Variants in STS observed in about 807,000 individuals in gnomAD.
STS encodes steryl-sulfatase.
Under a neutral mutation model 26.8 loss-of-function variants are expected in STS, and 7 were observed. The ratio of observed to expected loss-of-function variants is 0.26; its 90% CI spans 0.15 to 0.49. STS has a LOEUF of 0.49. STS is among the 20% of genes least tolerant of loss of function. STS has a pLI of 0.98. For missense variants in STS, 434 were observed against 465.6 expected (o/e 0.93, Z 0.63); for synonymous variants, 199 against 189.4 (o/e 1.05, Z -0.42).
intron 2 of STS, among the ~76,000 whole-genome samples, chrX:7,235,805 A>G (rs1288815770): frequency 3.6e-5 from 4 of 111,677 alleles, no homozygotes; most frequent in African/African-American, 1.3e-4. Flanking sequence ...GGGAAATTAA[A>G]GGAAATTGAA....
At position 7,327,760 on chromosome X, in the gene STS, G is replaced by T. The variant is rs185978493; in HGVS notation, c.1241+2262G>T. ...CCTTCACTCCTTCTCTGGAAAATAA[G>T]TTCAATAATAACACTGACTTTACAG... On this transcript the variant is annotated intron_variant, in intron 9 of 10. Coordinates refer to ENST00000674429, the MANE Select transcript of STS (RefSeq NM_001320752.2). Among the ~76,000 whole-genome samples the T allele has an allele frequency of 2.6e-3, 286 of 111,422 alleles. 1 individual carries two copies. Among genetic ancestry groups the T allele is most frequent in the Middle Eastern group, 4.6e-3 (1 of 216 alleles).
At chrX:7,185,036 C>G (rs182696643) in intron 1 of STS, among the ~76,000 whole-genome samples, 1 of 112,244 alleles carries the variant, frequency 8.9e-6, no homozygotes, top group East Asian at 2.8e-4. Context: ...TGTCATAGGT[C>G]TCTCACTGAG....
chrX:7,305,471 A>G (rs1333679128), intron 8 of STS, among the ~76,000 whole-genome samples: 1 of 112,448 alleles, frequency 8.9e-6, no homozygotes, highest in Non-Finnish European at 1.9e-5. Context: ...CTCTACACCT[A>G]TGTGTAGATT....
rs1289141328 is a variant in STS, at chrX:7,255,475, T to C, written c.138-1767T>C. 7.1e-5 allele frequency among the ~76,000 whole-genome samples: 8 copies of C among 112,022 alleles called. No homozygotes were observed. In the Admixed American group the frequency reaches 7.6e-4, roughly 11 times the overall value. On this transcript the variant is annotated intron_variant, in intron 3 of 10. Transcript: ENST00000674429. ...GTAGATAACTGTTCCTACCAAGATG[T>C]CTTAATTAAAAAGTTAAAATCAAGC...
intron 2 of STS, among the ~76,000 whole-genome samples, chrX:7,199,456 TATA>T (rs2147024700): frequency 8.9e-6 from 1 of 112,146 alleles, no homozygotes. Context: ...TACCACTTAT[TATA>T]ATAAATCGTG....
intron 2 of STS, among the ~76,000 whole-genome samples, chrX:7,251,299 A>G (rs1176017322): frequency 8.9e-6 from 1 of 111,921 alleles, no homozygotes; most frequent in Non-Finnish European, 1.9e-5. Context: ...GGAAACTCAG[A>G]GAGTATGTTC....
intron 2 of STS, among the ~76,000 whole-genome samples, chrX:7,240,493 ATGTGTGTG>A (rs374194610): frequency 6.1e-4 from 44 of 72,686 alleles, no homozygotes; most frequent in African/African-American, 2.0e-3. Flanking sequence ...ACAGATATGT[ATGTGTGTG>A]TGTGTGTGTG....
chrX:7,267,011 A>G (rs989811470), intron 6 of STS, among the ~76,000 whole-genome samples: 26 of 112,278 alleles, frequency 2.3e-4, no homozygotes, highest in Admixed American at 9.5e-5. Flanking sequence ...TGAAGCTGAA[A>G]TCCTTTGAAT....
At chrX:7,288,348 G>GTTTCAGATTTGGAATGC (rs1451849643) in intron 7 of STS, among the ~76,000 whole-genome samples, 22 of 109,350 alleles carry the variant, frequency 2.0e-4, no homozygotes, top group Middle Eastern at 9.4e-3. Context: ...GACCAGAAGT[G>GTTTCAGATTTGGAATGC]TTTCAGATTT....
chrX:7,281,163 C>CA (rs375403377), intron 7 of STS, among the ~76,000 whole-genome samples: 398 of 28,666 alleles, frequency 0.014, 1 homozygote, highest in Middle Eastern at 0.048. Context: ...GAGATTCCAT[C>CA]AAAAAAAAAA....
In STS at chrX:7,349,923, A is replaced by G. The variant is rs1569234933; in HGVS notation, c.1399A>G (p.Asn467Asp). The change falls in exon 11 of 11, where the codon AAC (asparagine) becomes GAC (aspartate). Residue 467 changes from asparagine to aspartate, a missense_variant. By Grantham distance (23) the Asn-to-Asp change is conservative (BLOSUM62 1). Coordinates refer to ENST00000674429, the MANE Select transcript of STS (RefSeq NM_001320752.2). ...SIWKAFFFTP[N>D]FNPVGSNGCF... ...CTGGAAGGCCTTTTTCTTCACCCCC[A>G]ACTTCAACCCCGTGGGTTCCAACGG... 8.3e-7 allele frequency: 1 copy of G among 1,211,376 alleles called. No homozygotes were observed. The highest frequency in any genetic ancestry group is 1.1e-6 in the Non-Finnish European group (1 of 895,340).
chrX:7,185,236 G>A (rs1933750921), intron 1 of STS, among the ~76,000 whole-genome samples: 1 of 112,791 alleles, frequency 8.9e-6, no homozygotes. Context: ...TCATTCTCAA[G>A]GCCAACAATG....
upstream of STS, among the ~76,000 whole-genome samples, chrX:7,147,599 G>A (rs757130091): frequency 8.0e-5 from 9 of 112,481 alleles, no homozygotes; most frequent in South Asian, 3.6e-4. Flanking sequence ...CTTGGAGCAG[G>A]CAGGCAAGTA....
At chrX:7,314,218 G>A (rs1418417830) in intron 8 of STS, among the ~76,000 whole-genome samples, 5 of 111,561 alleles carry the variant, frequency 4.5e-5, no homozygotes, top group African/African-American at 1.6e-4. Flanking sequence ...TTAGTCAGAT[G>A]TGATGGCATG....
chrX:7,298,359 C>G (rs769486234), intron 7 of STS, among the ~76,000 whole-genome samples: 1 of 111,572 alleles, frequency 9.0e-6, no homozygotes, highest in African/African-American at 3.3e-5. Flanking sequence ...TGAAGGGTCC[C>G]TTGAGCTCCA....
intron 2 of STS, among the ~76,000 whole-genome samples, chrX:7,240,434 T>C (rs1294068269): frequency 1.0e-5 from 1 of 98,788 alleles, no homozygotes; most frequent in Non-Finnish European, 2.0e-5. Context: ...GCATAGAAAA[T>C]GGAAATGAAT....
intron 2 of STS, among the ~76,000 whole-genome samples, chrX:7,231,069 A>G (rs1922038330): frequency 8.9e-6 from 1 of 111,974 alleles, no homozygotes; most frequent in African/African-American, 3.3e-5. Context: ...GGCATTATTC[A>G]TGATTTTCCT....
intron 2 of STS, among the ~76,000 whole-genome samples, chrX:7,221,522 A>G (rs1310773494): frequency 8.9e-6 from 1 of 111,732 alleles, no homozygotes; most frequent in African/African-American, 3.3e-5. Flanking sequence ...TGCTGATATT[A>G]CTGGAAGGAG....
At chrX:7,165,626 CAG>C (rs1171876503) in intron 1 of STS, among the ~76,000 whole-genome samples, 1 of 111,308 alleles carries the variant, frequency 9.0e-6, no homozygotes, top group Non-Finnish European at 1.9e-5. Context: ...AGCTGGGTAA[CAG>C]AGTGAGATCC....
Sources: allele counts gnomAD v4.1 joint callset (sites outside exome capture counted in the v4.1 genomes callset), GRCh38; gene constraint gnomAD v4.1.1; transcripts MANE v1.5; gene names NCBI Gene and HGNC (gene_info 2026-07-23, HGNC 2026-07-21).